NCAM2: variants seen among roughly 807,000 people sequenced by gnomAD.
The protein encoded by NCAM2 is neural cell adhesion molecule 2.
A neutral mutation model predicts 98.1 loss-of-function variants in NCAM2; 30 were observed. The ratio of observed to expected loss-of-function variants is 0.31; its 90% CI spans 0.23 to 0.41. The LOEUF (loss-of-function observed/expected upper bound fraction) is 0.41, where lower values mean the gene tolerates loss of function less well. NCAM2 is among the 10% of genes least tolerant of loss of function. NCAM2 has a pLI of 1.00. For missense variants in NCAM2, 867 were observed against 1,005.8 expected (o/e 0.86, Z 1.87); for synonymous variants, 368 against 342.4 (o/e 1.07, Z -0.83).
intron 1 of NCAM2, among the ~76,000 whole-genome samples, chr21:21,221,055 A>T (rs1180407611): frequency 6.6e-6 from 1 of 152,132 alleles, no homozygotes; most frequent in Non-Finnish European, 1.5e-5. Context: ...TTTCTCACTA[A>T]TGTATCTGTT....
At chr21:21,132,145 C>G (rs183842356) in intron 1 of NCAM2, among the ~76,000 whole-genome samples, 5 of 152,290 alleles carry the variant, frequency 3.3e-5, no homozygotes, top group Non-Finnish European at 7.4e-5. Context: ...TTCAAAGGCA[C>G]CTGCTTAGCA....
chr21:21,440,466 G>C (rs1979067145), intron 12 of NCAM2, among the ~76,000 whole-genome samples: 1 of 152,064 alleles, frequency 6.6e-6, no homozygotes, highest in Admixed American at 6.6e-5. Context: ...CAGACTGCTT[G>C]AGCTCAGGAG....
intron 1 of NCAM2, among the ~76,000 whole-genome samples, chr21:21,203,623 C>T (rs903617134): frequency 1.3e-5 from 2 of 152,138 alleles, no homozygotes; most frequent in Admixed American, 1.3e-4. Context: ...CTAATACATA[C>T]TATATGCTCA....
At position 21,394,469 on chromosome 21, in the gene NCAM2, C is replaced by CTT. The variant is rs532068473; in HGVS notation, c.1196-15769_1196-15768dup. On this transcript the variant is annotated intron_variant, in intron 9 of 17. Transcript: ENST00000400546. ...GACCTTAGTTAATTTAAGGGGCCAG[C>CTT]TTTTTTTTTTTTTTTTTTTTTTTTT... 9.8e-3 allele frequency among the ~76,000 whole-genome samples: 565 copies of CTT among 57,668 alleles called. 148 individuals carry two copies. The highest frequency in any genetic ancestry group is 0.029 in the Middle Eastern group (2 of 68). The allele number at this position is 57,668 out of a possible 152,430, so 37.8% of individuals were successfully genotyped here. A position where few individuals can be genotyped will look rare whatever the true frequency, so the allele number is the denominator to read the frequency against.
chr21:21,093,141 T>G (rs1569015019), intron 1 of NCAM2, among the ~76,000 whole-genome samples: 1 of 152,222 alleles, frequency 6.6e-6, no homozygotes, highest in South Asian at 2.1e-4. Flanking sequence ...AAGGTTTGAA[T>G]AAGGTGATGC....
At chr21:21,001,294 C>T (rs765605630) in intron 1 of NCAM2, among the ~76,000 whole-genome samples, 31 of 152,236 alleles carry the variant, frequency 2.0e-4, no homozygotes, top group East Asian at 5.8e-4. Flanking sequence ...AGTAGTAAGA[C>T]GCTTTTTTTT....
intron 6 of NCAM2, among the ~76,000 whole-genome samples, chr21:21,329,921 G>C (rs1043569216): frequency 6.6e-6 from 1 of 151,906 alleles, no homozygotes; most frequent in Admixed American, 6.6e-5. Flanking sequence ...TCTTTTAAAT[G>C]GTATTTACTG....
At chr21:21,137,531 C>A (rs1160002845) in intron 1 of NCAM2, among the ~76,000 whole-genome samples, 1 of 152,156 alleles carries the variant, frequency 6.6e-6, no homozygotes, top group East Asian at 1.9e-4. Flanking sequence ...GTAATCCCAG[C>A]ACTTTGGGAG....
Position 21,226,223 on chromosome 21 carries a change from C to T in NCAM2, c.56-54355C>T, listed in dbSNP as rs538738582. Among the ~76,000 whole-genome samples the T allele has an allele frequency of 1.6e-4, 24 of 151,904 alleles. No homozygotes were observed. The South Asian group carries it at 3.7e-3, about 24-fold the overall frequency. Reference sequence around the variant, plus strand: ...TTGGGTGCTACGTGCACTACTGGGACGACAGGATTATTAGAAGCACAAACC... The same window carrying T: ...TTGGGTGCTACGTGCACTACTGGGATGACAGGATTATTAGAAGCACAAACC... On this transcript the variant is annotated intron_variant, in intron 1 of 17. Transcript: ENST00000400546.
intron 1 of NCAM2, among the ~76,000 whole-genome samples, chr21:21,081,210 C>A (rs776780517): frequency 1.2e-4 from 18 of 152,108 alleles, no homozygotes; most frequent in Non-Finnish European, 2.4e-4. Context: ...CCTAGGAGGT[C>A]ATTTACCAGT....
chr21:21,204,925 CTT>C (rs200112934), intron 1 of NCAM2, among the ~76,000 whole-genome samples: 6,172 of 152,178 alleles, frequency 0.041, 177 homozygotes, highest in Non-Finnish European at 0.059. Flanking sequence ...TCCGTTCACT[CTT>C]TGCCTCCTTT....
intron 1 of NCAM2, among the ~76,000 whole-genome samples, chr21:21,164,741 G>A (rs1016766843): frequency 2.0e-5 from 3 of 152,032 alleles, no homozygotes; most frequent in Non-Finnish European, 4.4e-5. Flanking sequence ...TTTTCTTATT[G>A]AAGAAATGTT....
chr21:21,053,765 C>T (rs2065159411), intron 1 of NCAM2, among the ~76,000 whole-genome samples: 1 of 150,564 alleles, frequency 6.6e-6, no homozygotes, highest in African/African-American at 2.4e-5. Flanking sequence ...ATCTTTTATC[C>T]ATCTTAATTC....
chr21:21,281,463 A>G (rs1290337289), intron 2 of NCAM2, among the ~76,000 whole-genome samples: 1 of 152,130 alleles, frequency 6.6e-6, no homozygotes, highest in Non-Finnish European at 1.5e-5. Flanking sequence ...TTTTATGACA[A>G]TGGAAAGAAT....
chr21:21,128,634 G>A (rs757259873), intron 1 of NCAM2, among the ~76,000 whole-genome samples: 7 of 152,056 alleles, frequency 4.6e-5, no homozygotes, highest in Admixed American at 6.6e-5. Context: ...TTCTGTGTAA[G>A]TCATTTAATT....
chr21:21,323,894 A>G (rs987662939), intron 5 of NCAM2, among the ~76,000 whole-genome samples: 1 of 152,178 alleles, frequency 6.6e-6, no homozygotes, highest in African/African-American at 2.4e-5. Context: ...GCAGTGATAT[A>G]TTGCTTATGG....
intron 8 of NCAM2, among the ~76,000 whole-genome samples, chr21:21,349,058 A>C (rs2075265974): frequency 2.6e-5 from 4 of 152,146 alleles, no homozygotes; most frequent in Admixed American, 6.6e-5. Flanking sequence ...CCACAAGCAC[A>C]GGCAACCAAA....
At chr21:21,143,480 T>G (rs536943883) in intron 1 of NCAM2, among the ~76,000 whole-genome samples, 61 of 152,212 alleles carry the variant, frequency 4.0e-4, no homozygotes, top group African/African-American at 1.4e-3. Context: ...GGATTTTGAG[T>G]TACAGTTTTA....
intron 5 of NCAM2, among the ~76,000 whole-genome samples, chr21:21,309,103 C>T (rs578103466): frequency 6.6e-6 from 1 of 152,210 alleles, no homozygotes; most frequent in African/African-American, 2.4e-5. Context: ...GCATGGAATG[C>T]CATCATAATA....
Sources: allele counts gnomAD v4.1 joint callset (sites outside exome capture counted in the v4.1 genomes callset), GRCh38; gene constraint gnomAD v4.1.1; transcripts MANE v1.5; gene names NCBI Gene and HGNC (gene_info 2026-07-23, HGNC 2026-07-21).